UBE2V1: variants seen among roughly 807,000 people sequenced by gnomAD.
The protein encoded by UBE2V1 is ubiquitin conjugating enzyme E2 V1.
In UBE2V1, 15 loss-of-function variants were observed where a neutral mutation model predicts 19.6. That is an observed-to-expected ratio of 0.77 (90% CI 0.51 to 1.18). The LOEUF (loss-of-function observed/expected upper bound fraction) is 1.18. UBE2V1 is among the 50% of genes most tolerant of loss of function. The pLI, the probability that UBE2V1 is intolerant of heterozygous loss-of-function variation, is 0.00. For missense variants in UBE2V1, 125 were observed against 184.8 expected (o/e 0.68, Z 1.88); for synonymous variants, 60 against 60.7 (o/e 0.99, Z 0.05).
At chr20:50,111,670 G>C in intron 1 of UBE2V1, 1 of 821,634 alleles carries the variant, frequency 1.2e-6, no homozygotes, top group South Asian at 5.6e-5. Context: ...ACTTCAGTCA[G>C]ATCCCCCACA....
At position 50,100,170 on chromosome 20, in the gene UBE2V1, G is replaced by A. The variant is rs180968370; in HGVS notation, c.23-3350C>T. Among the ~76,000 whole-genome samples, 659 of 149,146 alleles carry A rather than the reference G, an allele frequency of 4.4e-3. 6 individuals carry two copies. Among genetic ancestry groups the A allele is most frequent in the South Asian group, 0.027 (125 of 4,696 alleles). ...GTGGTGCACACCTGTAGTCCCAGCT[G>A]CTTAGGAGGCTGAGACAGGAGGACT... On this transcript the variant is annotated intron_variant, in intron 1 of 3. Coordinates refer to ENST00000371674, the MANE Select transcript of UBE2V1 (RefSeq NM_001032288.3).
At chr20:50,114,893 T>C, upstream of UBE2V1, 1 of 152,222 alleles carries the variant, frequency 6.6e-6, no homozygotes, top group South Asian at 2.1e-4. Context: ...TGGTGAAACC[T>C]CGTCTCTACT....
At chr20:50,109,488 C>T (rs763899386) in intron 1 of UBE2V1, among the ~76,000 whole-genome samples, 5 of 152,064 alleles carry the variant, frequency 3.3e-5, no homozygotes, top group Non-Finnish European at 5.9e-5. Context: ...CGGTGACTTA[C>T]GCCTGTAATC....
At position 50,100,330 on chromosome 20, in the gene UBE2V1, G is replaced by GT. The variant is rs375392832; in HGVS notation, c.23-3511dup. ...AGACGGGGCGCGGTGGCTCACACCT[G>GT]TAATTCCAGCACTTTGGGAGGCCGA... On this transcript the variant is annotated intron_variant, in intron 1 of 3. Coordinates refer to ENST00000371674, the MANE Select transcript of UBE2V1 (RefSeq NM_001032288.3). Among the ~76,000 whole-genome samples, 155 of 150,548 alleles carry GT rather than the reference G, an allele frequency of 1.0e-3. No individual in the cohort carries two copies. In the Middle Eastern group the frequency reaches 0.011, roughly 10 times the overall value.
intron 2 of UBE2V1, among the ~76,000 whole-genome samples, chr20:50,091,266 C>T (rs528001459): frequency 7.9e-5 from 12 of 151,274 alleles, no homozygotes; most frequent in Non-Finnish European, 1.5e-4. Flanking sequence ...AGGCTGGTCT[C>T]GACTCCTGAC....
chr20:50,107,283 A>C (rs1280859445), intron 1 of UBE2V1, among the ~76,000 whole-genome samples: 1 of 152,222 alleles, frequency 6.6e-6, no homozygotes, highest in Non-Finnish European at 1.5e-5. Flanking sequence ...GTTGGGCCTA[A>C]GAATCTGACA....
chr20:50,113,254 ACGACC>A (rs1218396627), upstream of UBE2V1: 1 of 707,070 alleles, frequency 1.4e-6, no homozygotes, highest in East Asian at 3.5e-5. Context: ...GGAGACCTGC[ACGACC>A]CGTGGCCTGG....
chr20:50,093,204 G>A (rs2079344962), intron 2 of UBE2V1, among the ~76,000 whole-genome samples: 1 of 152,200 alleles, frequency 6.6e-6, no homozygotes, highest in African/African-American at 2.4e-5. Flanking sequence ...CACTGCCTTT[G>A]GGCAATACAT....
intron 1 of UBE2V1, among the ~76,000 whole-genome samples, chr20:50,097,545 A>AACCTAGG (rs1317317891): frequency 6.6e-6 from 1 of 152,116 alleles, no homozygotes; most frequent in Non-Finnish European, 1.5e-5. Flanking sequence ...TCCAGAACAG[A>AACCTAGG]ACCTAGGTAC....
chr20:50,099,723 T>A (rs181123021), intron 1 of UBE2V1, among the ~76,000 whole-genome samples: 59 of 152,294 alleles, frequency 3.9e-4, no homozygotes, highest in African/African-American at 1.4e-3. Flanking sequence ...TCAATAAGGA[T>A]CAAGGGTTCT....
chr20:50,104,565 G>A (rs1468870845), intron 1 of UBE2V1, among the ~76,000 whole-genome samples: 2 of 139,916 alleles, frequency 1.4e-5, no homozygotes, highest in Admixed American at 7.7e-5. Flanking sequence ...GCTGAGGCAA[G>A]AGAATGGCGT....
chr20:50,108,203 C>A (rs1163061884), intron 1 of UBE2V1, among the ~76,000 whole-genome samples: 1 of 152,144 alleles, frequency 6.6e-6, no homozygotes, highest in Non-Finnish European at 1.5e-5. Flanking sequence ...GAGGCTTTTT[C>A]CATCTTCCAG....
intron 2 of UBE2V1, among the ~76,000 whole-genome samples, chr20:50,091,754 A>G (rs1042851235): frequency 2.6e-5 from 4 of 152,224 alleles, no homozygotes; most frequent in African/African-American, 4.8e-5. Context: ...TCCACCATCT[A>G]TTAGGTGAAA....
At chr20:50,113,438 T>C (rs568056789), upstream of UBE2V1, among the ~76,000 whole-genome samples, 5 of 152,288 alleles carry the variant, frequency 3.3e-5, no homozygotes, top group East Asian at 7.7e-4. Flanking sequence ...AAAGAAAATA[T>C]AGCTTCAAAC....
intron 1 of UBE2V1, among the ~76,000 whole-genome samples, chr20:50,106,877 A>AACAAC (rs1569017172): frequency 1.5e-3 from 113 of 77,816 alleles, no homozygotes; most frequent in African/African-American, 4.8e-3. Flanking sequence ...ACAACAACAA[A>AACAAC]AAAAAAAAAA....
At chr20:50,096,888 TG>T in intron 1 of UBE2V1, 68 bp from the exon 2 acceptor site, 2 of 1,591,938 alleles carry the variant, frequency 1.3e-6, no homozygotes, top group Non-Finnish European at 8.5e-7. Flanking sequence ...TAGAGCTAGC[TG>T]CTCATTATCT....
At chr20:50,096,893 A>G (rs1055399641) in intron 1 of UBE2V1, 73 bp from the exon 2 acceptor site, 37 of 1,585,040 alleles carry the variant, frequency 2.3e-5, no homozygotes, top group Non-Finnish European at 2.8e-5. Flanking sequence ...CTAGCTGCTC[A>G]TTATCTCTCC....
intron 1 of UBE2V1, among the ~76,000 whole-genome samples, chr20:50,100,471 G>C (rs60980681): frequency 0.012 from 1,893 of 151,974 alleles, 37 homozygotes; most frequent in African/African-American, 0.044. Context: ...TGTAGTCCCA[G>C]CTACTCGGGA....
intron 2 of UBE2V1, among the ~76,000 whole-genome samples, chr20:50,093,987 C>CAAAAAAAAAAAAAAAAAAAAA (rs60174191): frequency 5.3e-5 from 3 of 56,302 alleles, no homozygotes; most frequent in Non-Finnish European, 9.8e-5. Context: ...GACTCCAACT[C>CAAAAAAAAAAAAAAAAAAAAA]AAAAAAAAAA....
Sources: gnomAD v4.1 joint callset for allele counts (sites outside exome capture counted in the v4.1 genomes callset) on GRCh38, gnomAD v4.1.1 for gene constraint, MANE v1.5 for transcripts, NCBI Gene and HGNC (gene_info 2026-07-23, HGNC 2026-07-21) for gene names.